Variants in DYSF observed in about 807,000 individuals in gnomAD.
DYSF encodes the protein dysferlin.
Under a neutral mutation model 274.9 loss-of-function variants are expected in DYSF, and 212 were observed. The observed-to-expected ratio is 0.77, with a 90% CI of 0.69 to 0.86. The LOEUF is 0.86. DYSF is among the 40% of genes least tolerant of loss of function. DYSF has a pLI of 0.00. For missense variants in DYSF, 2,666 were observed against 2,783.2 expected, an observed-to-expected ratio of 0.96 and a Z score of 0.95; for synonymous variants, 1,091 against 1,078.7, an observed-to-expected ratio of 1.01 and a Z score of -0.22.
intron 36 of DYSF, among the ~76,000 whole-genome samples, chr2:71,605,489 A>T (rs2093629916): frequency 6.6e-6 from 1 of 152,092 alleles, no homozygotes; most frequent in Non-Finnish European, 1.5e-5. Flanking sequence ...TGTGTAGAAG[A>T]AGACCCATGG....
At chr2:71,630,667 GA>G (rs1280317355) in intron 41 of DYSF, among the ~76,000 whole-genome samples, 3 of 152,206 alleles carry the variant, frequency 2.0e-5, no homozygotes, top group Admixed American at 6.5e-5. Flanking sequence ...TTGTGATTAA[GA>G]GTGAGAAATC....
Position 71,528,346 on chromosome 2 carries a change from G to A in DYSF, c.1325G>A (p.Ser442Asn). Reference protein sequence around the residue: ...DNVKQIFGFESNKKNLVDPFV... With the variant: ...DNVKQIFGFENNKKNLVDPFV... ...GTGAAACAGATCTTTGGCTTCGAGA[G>A]TAACAAGAAGAACTTGGTGGACCCC... The change falls in exon 14 of 56, where the codon AGT (serine) becomes AAT (asparagine). Residue 442 changes from serine (S) to asparagine (N), a missense_variant. This residue lies in a region of DYSF where 794 missense variants were observed against 777.1 expected (regional missense o/e 1.02). Transcript: ENST00000410020. The A allele has an allele frequency of 6.2e-7, 1 of 1,614,218 alleles. No individual in the cohort carries two copies. Among genetic ancestry groups the A allele is most frequent in the Non-Finnish European group, 8.5e-7 (1 of 1,180,032 alleles).
In DYSF at chr2:71,513,782, AT is replaced by A; in HGVS notation, c.621del (p.Gln208LysfsTer51). The stretch of plus-strand genomic sequence containing the variant: ...GGAGATGAGGCGGAGCCATTCCTGG[AT>A]CAAAGCGGAGGCCCGGGGGCTCCCA... ...LTGDEAEPFL[D>X]QSGGPGAPTT... On this transcript the variant is annotated frameshift_variant, in exon 7 of 56. Coordinates refer to ENST00000410020, the MANE Select transcript of DYSF (RefSeq NM_001130987.2). LOFTEE classifies it high-confidence loss of function. The A allele has an allele frequency of 3.7e-6, 6 of 1,614,170 alleles. No homozygotes were observed. The highest frequency in any genetic ancestry group is 5.1e-6 in the Non-Finnish European group (6 of 1,180,012).
At chr2:71,520,051 G>A (rs111589185) in intron 10 of DYSF, 127 bp from the exon 11 acceptor site, 11 of 1,058,588 alleles carry the variant, frequency 1.0e-5, no homozygotes, top group African/African-American at 3.1e-5. Context: ...AGTATCAAAT[G>A]TTGACTGCCT....
chr2:71,567,252 T>C (rs1263722795), intron 24 of DYSF, among the ~76,000 whole-genome samples: 2 of 152,248 alleles, frequency 1.3e-5, no homozygotes, highest in Non-Finnish European at 2.9e-5. Flanking sequence ...GACCAGTGAA[T>C]AGTGGTTGAC....
At chr2:71,541,011 T>C (rs933614734) in intron 17 of DYSF, among the ~76,000 whole-genome samples, 4 of 152,260 alleles carry the variant, frequency 2.6e-5, no homozygotes, top group African/African-American at 9.6e-5. Flanking sequence ...CTTTTCCCTA[T>C]ATTTCGAAAT....
chr2:71,576,618 G>A (rs948424908), intron 30 of DYSF, among the ~76,000 whole-genome samples: 25 of 152,258 alleles, frequency 1.6e-4, no homozygotes, highest in African/African-American at 5.5e-4. Flanking sequence ...GACACACACG[G>A]TGAAGTGCTG....
At chr2:71,618,445 T>G (rs1435412446) in intron 40 of DYSF, among the ~76,000 whole-genome samples, 5 of 98,632 alleles carry the variant, frequency 5.1e-5, no homozygotes, top group Admixed American at 1.2e-4. Context: ...GTGTGTGTGG[T>G]AGAGGTGGGG....
At chr2:71,554,080 T>G in intron 21 of DYSF, 149 bp downstream of exon 21, 1 of 1,218,682 alleles carries the variant, frequency 8.2e-7, no homozygotes, top group Non-Finnish European at 1.2e-6. Context: ...CTCTGTGCCT[T>G]GGCAATACCA....
chr2:71,464,089 G>A (rs2081397913), upstream of DYSF, among the ~76,000 whole-genome samples: 1 of 152,092 alleles, frequency 6.6e-6, no homozygotes, highest in Non-Finnish European at 1.5e-5. Flanking sequence ...GTCCTTTACC[G>A]ACCTTCCACT....
chr2:71,488,929 C>T (rs2152692947), intron 3 of DYSF, among the ~76,000 whole-genome samples: 1 of 152,094 alleles, frequency 6.6e-6, no homozygotes, highest in East Asian at 1.9e-4. Context: ...AACCTGAGAA[C>T]TTTCCTGAGC....
At chr2:71,526,405 T>TGGGGGGGGGG in intron 13 of DYSF, 59 bp downstream of exon 13, 1 of 370,356 alleles carries the variant, frequency 2.7e-6, no homozygotes, top group Non-Finnish European at 3.9e-6. Context: ...GCAGGGCTGG[T>TGGGGGGGGGG]GGGGGTGGGC....
At chr2:71,507,142 G>A (rs1162880852) in intron 4 of DYSF, among the ~76,000 whole-genome samples, 1 of 152,120 alleles carries the variant, frequency 6.6e-6, no homozygotes, top group Non-Finnish European at 1.5e-5. Flanking sequence ...GCACGGTGTG[G>A]AAGAGTTACA....
chr2:71,686,364 A>G, intron 55 of DYSF, 90 bp from the exon 56 acceptor site: 2 of 1,541,788 alleles, frequency 1.3e-6, no homozygotes, highest in Non-Finnish European at 9.0e-7. Context: ...GCTTAGCCCC[A>G]TCCTCTGAGC....
chr2:71,501,307 G>T (rs532148890), intron 3 of DYSF, among the ~76,000 whole-genome samples: 2 of 152,296 alleles, frequency 1.3e-5, no homozygotes, highest in South Asian at 4.1e-4. Flanking sequence ...GCTAGCAAGG[G>T]CACGAGCAAG....
intron 17 of DYSF, among the ~76,000 whole-genome samples, chr2:71,540,340 G>C (rs2089822176): frequency 6.6e-6 from 1 of 151,830 alleles, no homozygotes; most frequent in Non-Finnish European, 1.5e-5. Flanking sequence ...CGAACTCCTG[G>C]CCTCATGATC....
intron 40 of DYSF, among the ~76,000 whole-genome samples, chr2:71,617,586 G>A (rs2093914830): frequency 6.6e-6 from 1 of 151,930 alleles, no homozygotes; most frequent in African/African-American, 2.4e-5. Flanking sequence ...TGGTGTGTGT[G>A]TGTGTGGTAG....
intron 42 of DYSF, among the ~76,000 whole-genome samples, 169 bp from the exon 43 acceptor site, chr2:71,655,993 T>C (rs1175836173): frequency 6.6e-6 from 1 of 152,196 alleles, no homozygotes; most frequent in Non-Finnish European, 1.5e-5. Context: ...TTCATTCCTT[T>C]ATTTTGTTTT....
chr2:71,665,980 A>G (rs2094995575), intron 47 of DYSF, among the ~76,000 whole-genome samples: 1 of 152,100 alleles, frequency 6.6e-6, no homozygotes, highest in Non-Finnish European at 1.5e-5. Context: ...GAGATGTTTG[A>G]TGTCAGAGCT....
Sources: gnomAD v4.1 joint callset for allele counts (sites outside exome capture counted in the v4.1 genomes callset) on GRCh38, gnomAD v4.1.1 for gene constraint, gnomAD v4.1.1 regional missense constraint, MANE v1.5 for transcripts, NCBI Gene and HGNC (gene_info 2026-07-23, HGNC 2026-07-21) for gene names.